The following PACRG variants were observed in gnomAD, a reference collection of about 807,000 sequenced individuals.
The protein encoded by PACRG is parkin coregulated.
PACRG carries 29 observed loss-of-function variants against 29.7 expected under a neutral mutation model. The observed-to-expected ratio is 0.98, with a 90% CI of 0.73 to 1.33. PACRG has a LOEUF of 1.33. Ranked by LOEUF, PACRG falls within the 40% of genes most tolerant of loss-of-function variation. PACRG has a pLI of 0.00. For synonymous variants in PACRG, 116 were observed against 118.7 expected (o/e 0.98, Z 0.15); for missense variants, 279 against 316.2 (o/e 0.88, Z 0.89).
intron 2 of PACRG, among the ~76,000 whole-genome samples, chr6:162,925,852 G>A (rs1189394219): frequency 6.6e-6 from 1 of 152,108 alleles, no homozygotes; most frequent in African/African-American, 2.4e-5. Context: ...TAGGAAGAGA[G>A]GAAATAAATT....
intron 1 of PACRG, among the ~76,000 whole-genome samples, chr6:162,745,572 C>G (rs9355402): frequency 0.76 from 115,548 of 152,144 alleles, 44,611 homozygotes; most frequent in Non-Finnish European, 0.84. Flanking sequence ...ATAAAAATCT[C>G]TATGCGACAT....
intron 4 of PACRG, among the ~76,000 whole-genome samples, chr6:163,099,858 C>T (rs1562914149): frequency 1.3e-5 from 2 of 152,136 alleles, no homozygotes; most frequent in Non-Finnish European, 2.9e-5. Context: ...AATTGTTCTG[C>T]CCTCCCCTGA....
intron 2 of PACRG, among the ~76,000 whole-genome samples, chr6:162,854,143 GAGA>G (rs1791160423): frequency 2.0e-5 from 3 of 146,518 alleles, no homozygotes; most frequent in African/African-American, 7.6e-5. Flanking sequence ...CTAGTTCTGG[GAGA>G]AGGAGACCAT....
chr6:163,290,278 G>A lies in PACRG; in HGVS notation c.614-24549G>A, dbSNP rs11755589. 3.2e-3 allele frequency among the ~76,000 whole-genome samples: 361 copies of A among 114,530 alleles called. 1 individual carries two copies. The highest frequency in any genetic ancestry group is 6.2e-3 in the African/African-American group (202 of 32,770). 75.1% of individuals were successfully genotyped at this position (114,530 alleles called of 152,430 possible). On this transcript the variant is annotated intron_variant, in intron 4 of 4. Transcript: ENST00000366888. ...CATGTGCGCATGCACGCGCGCGCGC[G>A]CACACACACACACACACACACACAC...
intron 2 of PACRG, among the ~76,000 whole-genome samples, chr6:163,000,268 C>T (rs117967886): frequency 6.8e-4 from 104 of 152,292 alleles, no homozygotes; most frequent in Non-Finnish European, 1.2e-3. Context: ...AGTGCCCTCC[C>T]GCAGGTTGTG....
chr6:163,158,727 A>G lies in PACRG; in HGVS notation c.613+69319A>G, dbSNP rs534639625. On this transcript the variant is annotated intron_variant, in intron 4 of 4. Transcript: ENST00000366888. ...ATGCAATCTTGAATTAGACATTACT[A>G]GGAAATAATATTGCACACTGACGTG... Among the ~76,000 whole-genome samples the G allele has an allele frequency of 2.0e-5, 3 of 152,332 alleles. No individual in the cohort carries two copies. In the South Asian group the frequency reaches 6.2e-4, roughly 32 times the overall value.
intron 3 of PACRG, among the ~76,000 whole-genome samples, chr6:163,075,698 C>A (rs376053049): frequency 1.3e-5 from 2 of 152,168 alleles, no homozygotes; most frequent in African/African-American, 4.8e-5. Flanking sequence ...AACATTCATT[C>A]ATGTATTTAA....
chr6:163,285,938 T>G (rs944957004), intron 4 of PACRG, among the ~76,000 whole-genome samples: 3 of 150,704 alleles, frequency 2.0e-5, no homozygotes, highest in Non-Finnish European at 4.5e-5. Flanking sequence ...CATCCCTTCA[T>G]GACAGAGGCT....
chr6:162,948,913 A>G (rs1799443627), intron 2 of PACRG, among the ~76,000 whole-genome samples: 1 of 152,134 alleles, frequency 6.6e-6, no homozygotes, highest in African/African-American at 2.4e-5. Flanking sequence ...GGGAATGTAA[A>G]TTATTATAGC....
At position 163,047,627 on chromosome 6, in the gene PACRG, T is replaced by TA. The variant is rs1452097881; in HGVS notation, c.292-14519dup. 9.8e-5 allele frequency among the ~76,000 whole-genome samples: 15 copies of TA among 152,304 alleles called. No individual in the cohort carries two copies. The East Asian group carries it at 2.7e-3, about 27-fold the overall frequency. The stretch of plus-strand genomic sequence containing the variant: ...TCTTTTAGCCTTTTTGACAGAAACT[T>TA]AAAATAAGGTTATTCCATAAAATAA... On this transcript the variant is annotated intron_variant, in intron 2 of 4. Transcript: ENST00000366888.
At chr6:162,796,388 T>G (rs1382005557) in intron 1 of PACRG, among the ~76,000 whole-genome samples, 1 of 152,160 alleles carries the variant, frequency 6.6e-6, no homozygotes, top group South Asian at 2.1e-4. Flanking sequence ...TATTTTGTAA[T>G]GTTTTCTATT....
At chr6:163,096,258 G>A (rs563281234) in intron 4 of PACRG, among the ~76,000 whole-genome samples, 1 of 152,170 alleles carries the variant, frequency 6.6e-6, no homozygotes, top group Admixed American at 6.5e-5. Context: ...GCACCCCAGG[G>A]TGCTGCCGCA....
At chr6:163,306,348 A>C (rs1785198326) in intron 4 of PACRG, among the ~76,000 whole-genome samples, 1 of 152,166 alleles carries the variant, frequency 6.6e-6, no homozygotes, top group South Asian at 2.1e-4. Flanking sequence ...ACAAGCTTGA[A>C]TTCAGCTTAA....
At chr6:163,175,523 G>A (rs1417380084) in intron 4 of PACRG, among the ~76,000 whole-genome samples, 1 of 152,002 alleles carries the variant, frequency 6.6e-6, no homozygotes, top group East Asian at 1.9e-4. Context: ...TCTTTCTGGT[G>A]GGATGCCACT....
chr6:163,057,801 G>T (rs1195274409), intron 2 of PACRG, among the ~76,000 whole-genome samples: 1 of 152,140 alleles, frequency 6.6e-6, no homozygotes, highest in East Asian at 1.9e-4. Context: ...AGGTTCCCAG[G>T]CCTGTTAGTA....
intron 4 of PACRG, among the ~76,000 whole-genome samples, chr6:163,121,461 T>G (rs1171919936): frequency 6.6e-6 from 1 of 152,132 alleles, no homozygotes; most frequent in Non-Finnish European, 1.5e-5. Flanking sequence ...CTCACTCTCT[T>G]TGGCTCATCT....
chr6:162,809,204 G>A (rs985078289), intron 1 of PACRG, among the ~76,000 whole-genome samples: 11 of 152,112 alleles, frequency 7.2e-5, no homozygotes, highest in Admixed American at 2.0e-4. Flanking sequence ...GATGCACCGA[G>A]ACAGCTAATT....
At chr6:163,005,865 A>G (rs28789419) in intron 2 of PACRG, among the ~76,000 whole-genome samples, 18 of 135,270 alleles carry the variant, frequency 1.3e-4, no homozygotes, top group African/African-American at 3.8e-4. Context: ...TATATACAAC[A>G]TAGTTATACG....
chr6:163,248,035 G>T (rs961447753), intron 4 of PACRG, among the ~76,000 whole-genome samples: 2 of 151,408 alleles, frequency 1.3e-5, no homozygotes, highest in African/African-American at 2.5e-5. Context: ...CCAAAGACTC[G>T]TTTTCCTATG....
Sources: gnomAD v4.1 joint callset for allele counts (sites outside exome capture counted in the v4.1 genomes callset) on GRCh38, gnomAD v4.1.1 for gene constraint, MANE v1.5 for transcripts, NCBI Gene and HGNC (gene_info 2026-07-23, HGNC 2026-07-21) for gene names.